Variants in CARMIL3 observed in about 807,000 individuals in gnomAD.
The protein encoded by CARMIL3 is capping protein, Arp2/3 and myosin-I linker protein 3.
In CARMIL3, 88 loss-of-function variants were observed where a neutral mutation model predicts 180.8. The observed-to-expected ratio is 0.49, with a 90% CI of 0.41 to 0.58. CARMIL3 has a LOEUF of 0.58. Ranked by LOEUF, CARMIL3 falls within the 20% of genes least tolerant of loss-of-function variation. CARMIL3 has a pLI of 0.00. For synonymous variants in CARMIL3, 696 were observed against 714.5 expected (o/e 0.97, Z 0.41); for missense variants, 1,548 against 1,787.0 (o/e 0.87, Z 2.41).
At position 24,069,699 on chromosome 14, in the gene CARMIL3, C is replaced by G. The variant is rs559603345; in HGVS notation, c.*295C>G. On this transcript the variant is annotated 3_prime_UTR_variant, in exon 40 of 40. Coordinates refer to ENST00000342740, the MANE Select transcript of CARMIL3 (RefSeq NM_138360.4). ...CCTCTATCCCCAGGGACTCTCTCCC[C>G]TCTTGTATAGAATAAAAAAACAAAA... 5.6e-4 allele frequency: 268 copies of G among 475,884 alleles called. 1 individual carries two copies. Among genetic ancestry groups the G allele is most frequent in the Non-Finnish European group, 7.8e-4 (207 of 266,874 alleles). 29.5% of individuals were successfully genotyped at this position (475,884 alleles called of 1,614,324 possible). A position where few individuals can be genotyped will look rare whatever the true frequency, so the allele number is the denominator to read the frequency against.
Position 24,052,187 on chromosome 14 carries a change from T to C in CARMIL3, c.34T>C (p.Leu12=). 2 of 1,591,252 alleles carry C rather than the reference T, an allele frequency of 1.3e-6. No individual in the cohort carries two copies. The highest frequency in any genetic ancestry group is 1.7e-6 in the Non-Finnish European group (2 of 1,173,106). The change falls in exon 1 of 40, where the codon TTG becomes CTG. Residue 12 remains leucine (L), a synonymous_variant. Transcript: ENST00000342740. ...GCCCAGCGTGGAGCTCACCCGCGAG[T>C]TGCAAGGTACGAGGCTGCCTCGGTC... ...AKPSVELTRE[L]QDSIRRCLSQ...
At chr14:24,057,086 A>C in intron 13 of CARMIL3, 62 bp downstream of exon 13, 1 of 1,594,474 alleles carries the variant, frequency 6.3e-7, no homozygotes, top group Non-Finnish European at 8.6e-7. Context: ...AGGAGCTGGG[A>C]GGCCTTCTGC....
At chr14:24,067,157 C>T (rs969923847) in intron 36 of CARMIL3, among the ~76,000 whole-genome samples, 1 of 152,222 alleles carries the variant, frequency 6.6e-6, no homozygotes, top group Admixed American at 6.5e-5. Flanking sequence ...AGGTCAGAAA[C>T]CTGCAGTATT....
rs760964716 is a variant in CARMIL3 at position 24,062,703 on chromosome 14, C to T, written c.2569-6C>T. 1 of 1,607,332 alleles carries T rather than the reference C, an allele frequency of 6.2e-7. No individual in the cohort carries two copies. ...TGGAATTCTGTTCACACCTGCCCTTCCCCAGGCCCGGCACCTGACCCAGCT... is the reference window on the plus strand; with the variant it reads ...TGGAATTCTGTTCACACCTGCCCTTTCCCAGGCCCGGCACCTGACCCAGCT... On this transcript the variant is annotated splice_polypyrimidine_tract_variant and splice_region_variant and intron_variant, in intron 28 of 39. Transcript: ENST00000342740.
rs769435614 is a variant in CARMIL3, at chr14:24,059,233, T to G, written c.1627-37T>G. ...GAGGGGACCTGCAGTCGGAGGAGGC[T>G]GTGGGGACTGGGTCCAACCGCCCCT... On this transcript the variant is annotated intron_variant, in intron 20 of 39. Transcript: ENST00000342740. The surrounding 1 kb of genome is among the most constrained non-coding windows in gnomAD (Gnocchi z 6.3). The G allele has an allele frequency of 1.2e-6, 2 of 1,613,632 alleles. No individual in the cohort carries two copies. The highest frequency in any genetic ancestry group is 3.3e-5 in the Admixed American group (2 of 59,998).
Position 24,062,825 on chromosome 14 carries a change from T to C in CARMIL3, c.2685T>C (p.Asp895=), listed in dbSNP as rs1209183975. 3 of 1,610,848 alleles carry C rather than the reference T, an allele frequency of 1.9e-6. No individual in the cohort carries two copies. Among genetic ancestry groups the C allele is most frequent in the African/African-American group, 1.3e-5 (1 of 74,826 alleles). Residue 895 remains aspartate, a synonymous_variant, in exon 29 of 40, where the codon GAT becomes GAC. Transcript: ENST00000342740. ...GRNHDHEETT[D]DELGTNIDTM... is the part of the protein sequence containing the mutation. ...ACCATGACCATGAGGAGACCACAGA[T>C]GATGAACTTGGGACCAACATTGTGA... is the stretch of plus-strand genomic sequence containing the variant.
Position 24,068,981 on chromosome 14 carries a change from C to T in CARMIL3, c.3982+15C>T, listed in dbSNP as rs1420705170. The T allele has an allele frequency of 6.5e-7, 1 of 1,544,246 alleles. No individual in the cohort carries two copies. The highest frequency in any genetic ancestry group is 8.8e-7 in the Non-Finnish European group (1 of 1,142,520). On this transcript the variant is annotated intron_variant, in intron 38 of 39. Coordinates refer to ENST00000342740, the MANE Select transcript of CARMIL3 (RefSeq NM_138360.4). The stretch of plus-strand genomic sequence containing the variant: ...CGAAGTCCAAGGTCTGCCACCCTGG[C>T]TGAGTGGGGGGCTCAGGGCACCTCT...
chr14:24,054,791 C>G lies in CARMIL3; in HGVS notation c.443C>G (p.Thr148Ser), dbSNP rs1197299405. The G allele has an allele frequency of 6.2e-7, 1 of 1,613,888 alleles. No homozygotes were observed. Among genetic ancestry groups the G allele is most frequent in the African/African-American group, 1.3e-5 (1 of 74,934 alleles). ...TSPNSETSTS[T>S]THSVCGGFSE... ...CCCAACTCTGAGACTTCCACATCTA[C>G]CACCCACAGTGTCTGCGGTGAGCAG... Residue 148 changes from threonine (T) to serine (S), a missense_variant, in exon 6 of 40, where the codon ACC becomes AGC. By Grantham distance (58) the Thr-to-Ser change is moderately conservative. Coordinates refer to ENST00000342740, the MANE Select transcript of CARMIL3 (RefSeq NM_138360.4). This position sits in a 1 kb window ranked among gnomAD's most constrained non-coding sequence, Gnocchi z 5.1.
At chr14:24,064,454 C>A (rs2035765103) in intron 32 of CARMIL3, 108 bp downstream of exon 32, 2 of 805,196 alleles carry the variant, frequency 2.5e-6, no homozygotes, top group East Asian at 5.5e-5. Flanking sequence ...GTGCCCAAAG[C>A]CAGTCTCTGT....
intron 1 of CARMIL3, 87 bp downstream of exon 1, chr14:24,052,280 G>T: frequency 7.3e-7 from 1 of 1,361,186 alleles, no homozygotes; most frequent in Non-Finnish European, 9.9e-7. Flanking sequence ...TCCCAGCCCG[G>T]TGTCTCACAC....
At chr14:24,056,225 G>A (rs2035670244) in intron 10 of CARMIL3, 74 bp from the exon 11 acceptor site, 1 of 1,246,398 alleles carries the variant, frequency 8.0e-7, no homozygotes, top group African/African-American at 1.5e-5. Context: ...CAGTCAGGTA[G>A]AGGAGGAGGG....
Position 24,054,242 on chromosome 14 carries a change from GTGGAGAGCTCCTTCAATGTCC to G in CARMIL3, c.194_214del (p.Ser65_Glu71del), listed in dbSNP as rs777730107. The G allele has an allele frequency of 1.2e-5, 19 of 1,614,154 alleles. No individual in the cohort carries two copies. Among genetic ancestry groups the G allele is most frequent in the Non-Finnish European group, 1.5e-5 (18 of 1,180,002 alleles). ...AGCTGAGCATCTCCATCCCTCCTAG[GTGGAGAGCTCCTTCAATGTCC>G]TGGAGATCCGTGCCTTCAACACGCT... On this transcript the variant is annotated inframe_deletion and splice_region_variant, in exon 4 of 40. Coordinates refer to ENST00000342740, the MANE Select transcript of CARMIL3 (RefSeq NM_138360.4). The surrounding 1 kb of genome is among the most constrained non-coding windows in gnomAD (Gnocchi z 5.1).
In CARMIL3 at chr14:24,062,569, T is replaced by C; in HGVS notation, c.2568+2T>C. On this transcript the variant is annotated splice_donor_variant, in intron 28 of 39. Coordinates refer to ENST00000342740, the MANE Select transcript of CARMIL3 (RefSeq NM_138360.4). LOFTEE classifies it high-confidence loss of function. The stretch of plus-strand genomic sequence containing the variant: ...CTCTACCATTCCCACAAGAGCCTGG[T>C]AAGGCTTCTTCTGCAGCCTGGCCTG... The C allele has an allele frequency of 6.2e-7, 1 of 1,613,998 alleles. No homozygotes were observed. Among genetic ancestry groups the C allele is most frequent in the East Asian group, 2.2e-5 (1 of 44,882 alleles).
chr14:24,062,361 T>C (rs2035740677), intron 27 of CARMIL3, 119 bp from the exon 28 acceptor site: 2 of 912,422 alleles, frequency 2.2e-6, no homozygotes, highest in Non-Finnish European at 3.7e-6. Flanking sequence ...ATGCGCTCCA[T>C]GGGCAGACAG....
chr14:24,062,764 A>T lies in CARMIL3; in HGVS notation c.2624A>T (p.Gln875Leu), dbSNP rs1015038559. The change falls in exon 29 of 40, where the codon CAA (glutamine) becomes CTA (leucine). Residue 875 changes from glutamine (Q) to leucine (L), a missense_variant. By Grantham distance (113) the Gln-to-Leu change is moderately radical. Coordinates refer to ENST00000342740, the MANE Select transcript of CARMIL3 (RefSeq NM_138360.4). ...TCAGATCCACCAGGGTGCCCAGGCC[A>T]AGGGCAGGATCTGTCCTCCCGGGGC... Reference protein sequence around the residue: ...TLSDPPGCPGQGQDLSSRGRG... With the variant: ...TLSDPPGCPGLGQDLSSRGRG... 3 of 1,613,776 alleles carry T rather than the reference A, an allele frequency of 1.9e-6. No individual in the cohort carries two copies. Among genetic ancestry groups the T allele is most frequent in the Non-Finnish European group, 2.5e-6 (3 of 1,179,810 alleles).
rs2035789174 is a variant in CARMIL3, at chr14:24,066,585, C to T, written c.3611C>T (p.Pro1204Leu). 2 of 1,614,086 alleles carry T rather than the reference C, an allele frequency of 1.2e-6. No homozygotes were observed. The highest frequency in any genetic ancestry group is 2.7e-5 in the African/African-American group (2 of 74,906). The change falls in exon 36 of 40, where the codon CCC becomes CTC. Residue 1204 changes from proline to leucine, a missense_variant. Coordinates refer to ENST00000342740, the MANE Select transcript of CARMIL3 (RefSeq NM_138360.4). ...ACTCCAGGGCCTGGATCCTGGAAGC[C>T]CCCACCACCGCCCCAAAGCACCAAA... The part of the protein sequence containing the change: ...SDDAGPGSWK[P>L]PPPPQSTKPS...
At chr14:24,064,382 C>G in intron 32 of CARMIL3, 36 bp downstream of exon 32, 1 of 1,501,342 alleles carries the variant, frequency 6.7e-7, no homozygotes, top group Non-Finnish European at 9.2e-7. Flanking sequence ...TTTCAGCAGG[C>G]CCCAAGGCCC....
chr14:24,056,769 C>T (rs2035676129), intron 12 of CARMIL3, 61 bp downstream of exon 12: 7 of 1,562,490 alleles, frequency 4.5e-6, no homozygotes, highest in Non-Finnish European at 3.5e-6. Context: ...GGGTGTTGAG[C>T]TCCAGAGGTA....
rs1215159089 is a variant in CARMIL3, at chr14:24,069,401, C to A, written c.4116C>A (p.Asp1372Glu). The A allele has an allele frequency of 2.5e-6, 4 of 1,614,044 alleles. No homozygotes were observed. In the African/African-American group the frequency reaches 5.3e-5, roughly 22 times the overall value. Residue 1372 changes from aspartate (D) to glutamate (E), a missense_variant, in exon 40 of 40, where the codon GAC (aspartate) becomes GAA (glutamate). By Grantham distance (45) the Asp-to-Glu change is conservative. Around this residue, in one of 4 missense-constraint regions of CARMIL3, gnomAD observed 668 missense variants for 687.8 expected, o/e 0.97. Transcript: ENST00000342740. ...CAGGAACCAGTGAGCCAGGAACAGA[C>A]TGACAACTGCCACAACACCCTCCTC... is the stretch of plus-strand genomic sequence containing the variant. Reference protein sequence around the residue: ...DPTGTSEPGTD With the variant: ...DPTGTSEPGTE
Sources: allele counts gnomAD v4.1 joint callset (sites outside exome capture counted in the v4.1 genomes callset), GRCh38; gene constraint gnomAD v4.1.1; regional missense constraint gnomAD v4.1.1; non-coding constraint Gnocchi (gnomAD v3.1); transcripts MANE v1.5; gene names NCBI Gene and HGNC (gene_info 2026-07-23, HGNC 2026-07-21).